Variants in E2F2 observed in about 807,000 individuals in gnomAD.
The protein encoded by E2F2 is transcription factor E2F2.
A neutral mutation model predicts 42.2 loss-of-function variants in E2F2; 22 were observed. The ratio of observed to expected loss-of-function variants is 0.52; its 90% CI spans 0.37 to 0.74. The LOEUF (loss-of-function observed/expected upper bound fraction) is 0.74, where lower values mean the gene tolerates loss of function less well. Ranked by LOEUF, E2F2 falls within the 30% of genes least tolerant of loss-of-function variation. E2F2 has a pLI of 0.00. For missense variants in E2F2, 481 were observed against 557.8 expected, an observed-to-expected ratio of 0.86 and a Z score of 1.39; for synonymous variants, 248 against 251.6, an observed-to-expected ratio of 0.99 and a Z score of 0.13.
chr1:23,517,460 T>C (rs1186343897), intron 5 of E2F2, among the ~76,000 whole-genome samples: 1 of 152,234 alleles, frequency 6.6e-6, no homozygotes, highest in Non-Finnish European at 1.5e-5. Flanking sequence ...AAAGCACATC[T>C]TCAGTCTATA....
intron 5 of E2F2, among the ~76,000 whole-genome samples, chr1:23,517,141 C>T (rs1200668254): frequency 1.3e-5 from 2 of 152,114 alleles, no homozygotes; most frequent in Non-Finnish European, 2.9e-5. Flanking sequence ...CTGAATCTCC[C>T]CCAGGACTTG....
At chr1:23,518,170 T>TA (rs1426319137) in intron 5 of E2F2, among the ~76,000 whole-genome samples, 9 of 144,608 alleles carry the variant, frequency 6.2e-5, no homozygotes, top group African/African-American at 1.6e-4. Context: ...GACGCTGTCT[T>TA]AAAAAAAATC....
chr1:23,506,338 A>G (rs1642794867), downstream of E2F2: 1 of 152,316 alleles, frequency 6.6e-6, no homozygotes, highest in South Asian at 2.1e-4. Context: ...ATGTGCCCCC[A>G]GCATTGGCCA....
At chr1:23,514,830 T>C (rs545109462) in intron 6 of E2F2, among the ~76,000 whole-genome samples, 1 of 124,484 alleles carries the variant, frequency 8.0e-6, no homozygotes, top group African/African-American at 3.5e-5. Flanking sequence ...AGCGAGACTG[T>C]CTCAAAAAAA....
Position 23,521,934 on chromosome 1 carries a change from C to T in E2F2, c.481G>A (p.Val161Met). The T allele has an allele frequency of 6.2e-7, 1 of 1,614,228 alleles. No homozygotes were observed. The highest frequency in any genetic ancestry group is 8.5e-7 in the Non-Finnish European group (1 of 1,180,038). Residue 161 changes from valine (V) to methionine (M), a missense_variant, in exon 3 of 7, where the codon GTG becomes ATG. By Grantham distance (21) the Val-to-Met change is conservative (BLOSUM62 1). Transcript: ENST00000361729. ...GVLDLNWAAE[V>M]LDVQKRRIYD... Reference sequence around the variant, plus strand: ...ATGCGCCGCTTCTGCACGTCCAGCACCTCAGCGGCCCAGTTCAGGTCCAGG... The same window carrying T: ...ATGCGCCGCTTCTGCACGTCCAGCATCTCAGCGGCCCAGTTCAGGTCCAGG...
rs1643213941 is a variant in E2F2 at position 23,524,429 on chromosome 1, G to A, written c.312C>T (p.Thr104=). The change falls in exon 2 of 7, where the codon ACC becomes ACT. Residue 104 remains threonine (T), a synonymous_variant. Coordinates refer to ENST00000361729, the MANE Select transcript of E2F2 (RefSeq NM_004091.4). ...CCACTCTGATGCACTTCCCCTTGGGGGTTGGGAACTCAGGGACGACGGGCC... is the reference window on the plus strand; with the variant it reads ...CCACTCTGATGCACTTCCCCTTGGGAGTTGGGAACTCAGGGACGACGGGCC... ...IGRPVVPEFP[T]PKGKCIRVDG... is the part of the protein sequence containing the mutation. 6.2e-7 allele frequency: 1 copy of A among 1,613,914 alleles called. No homozygotes were observed. Among genetic ancestry groups the A allele is most frequent in the African/African-American group, 1.3e-5 (1 of 75,042 alleles).
Position 23,521,838 on chromosome 1 carries a change from C to T in E2F2, c.577G>A (p.Val193Ile), listed in dbSNP as rs751340499. 1.9e-6 allele frequency: 3 copies of T among 1,613,878 alleles called. No homozygotes were observed. Among genetic ancestry groups the T allele is most frequent in the Non-Finnish European group, 2.5e-6 (3 of 1,180,016 alleles). ...RKKAKNNIQW[V>I]GRGMFEDPTR... ...ACCACTGGCCGCCCAGGCACTCACACCCACTGGATGTTGTTCTTGGCCTTC... is the reference window on the plus strand; with the variant it reads ...ACCACTGGCCGCCCAGGCACTCACATCCACTGGATGTTGTTCTTGGCCTTC... The change falls in exon 3 of 7, where the codon GTA becomes ATA. Residue 193 changes from valine (V) to isoleucine (I), a missense_variant and splice_region_variant. By Grantham distance (29) the Val-to-Ile change is conservative. Transcript: ENST00000361729.
At position 23,521,929 on chromosome 1, in the gene E2F2, C is replaced by T. The variant is rs768555416; in HGVS notation, c.486G>A (p.Leu162=). Residue 162 remains leucine, a synonymous_variant, in exon 3 of 7, where the codon CTG becomes CTA. Coordinates refer to ENST00000361729, the MANE Select transcript of E2F2 (RefSeq NM_004091.4). ...VLDLNWAAEV[L]DVQKRRIYDI... is the part of the protein sequence containing the mutation. ...CATAGATGCGCCGCTTCTGCACGTC[C>T]AGCACCTCAGCGGCCCAGTTCAGGT... 45 of 1,614,230 alleles carry T rather than the reference C, an allele frequency of 2.8e-5. No homozygotes were observed. The Middle Eastern group carries it at 1.3e-3, about 47-fold the overall frequency.
Position 23,524,436 on chromosome 1 carries a change from A to T in E2F2, c.305T>A (p.Phe102Tyr), listed in dbSNP as rs1283743593. ...EGIGRPVVPE[F>Y]PTPKGKCIRV... ...GATGCACTTCCCCTTGGGGGTTGGG[A>T]ACTCAGGGACGACGGGCCTCCCAAT... The change falls in exon 2 of 7, where the codon TTC becomes TAC. Residue 102 changes from phenylalanine (F) to tyrosine (Y), a missense_variant. Transcript: ENST00000361729. The T allele has an allele frequency of 6.2e-7, 1 of 1,609,442 alleles. No individual in the cohort carries two copies. Among genetic ancestry groups the T allele is most frequent in the Non-Finnish European group, 8.5e-7 (1 of 1,177,920 alleles).
At chr1:23,526,013 A>C in intron 1 of E2F2, among the ~76,000 whole-genome samples, 1 of 148,962 alleles carries the variant, frequency 6.7e-6, no homozygotes, top group African/African-American at 2.5e-5. Flanking sequence ...CCCTTCCCCC[A>C]CTCCTGCCCC....
At position 23,530,394 on chromosome 1, in the gene E2F2, G is replaced by C. The variant is rs1190412320; in HGVS notation, c.252+148C>G. 9.4e-7 allele frequency: 1 copy of C among 1,065,424 alleles called. No individual in the cohort carries two copies. The highest frequency in any genetic ancestry group is 1.3e-6 in the Non-Finnish European group (1 of 758,866). The allele number at this position is 1,065,424 out of a possible 1,614,324, so 66.0% of individuals were successfully genotyped here. On this transcript the variant is annotated intron_variant, in intron 1 of 6. Coordinates refer to ENST00000361729, the MANE Select transcript of E2F2 (RefSeq NM_004091.4). The surrounding 1 kb of genome is among the most constrained non-coding windows in gnomAD (Gnocchi z 4.4). ...TGAAGGGGTCTTCTACTCAGATATT[G>C]GGGGCACTGGGTCCTGGAAACTGAA...
chr1:23,521,840 C>T lies in E2F2; in HGVS notation c.575G>A (p.Trp192Ter), dbSNP rs1352769956. The T allele has an allele frequency of 1.2e-6, 2 of 1,613,800 alleles. No individual in the cohort carries two copies. Among genetic ancestry groups the T allele is most frequent in the Non-Finnish European group, 1.7e-6 (2 of 1,179,994 alleles). Residue 192 changes from tryptophan (W) to a stop codon, truncating the protein, a stop_gained, in exon 3 of 7, where the codon TGG becomes TAG. Transcript: ENST00000361729. LOFTEE classifies it high-confidence loss of function. ...IRKKAKNNIQ[W>*]VGRGMFEDPT... ...CACTGGCCGCCCAGGCACTCACACC[C>T]ACTGGATGTTGTTCTTGGCCTTCTT...
intron 2 of E2F2, 68 bp from the exon 3 acceptor site, chr1:23,522,124 A>T (rs1643163524): frequency 6.9e-7 from 1 of 1,448,224 alleles, no homozygotes; most frequent in Admixed American, 1.9e-5. Context: ...TCGTCCATTG[A>T]CCTAGGCTCA....
downstream of E2F2, among the ~76,000 whole-genome samples, chr1:23,506,053 G>A (rs993060408): frequency 1.3e-5 from 2 of 152,142 alleles, no homozygotes; most frequent in Admixed American, 6.6e-5. Context: ...CGCACCCAGC[G>A]TGAGGCATGG....
Position 23,524,446 on chromosome 1 carries a change from C to T in E2F2, c.295G>A (p.Val99Ile), listed in dbSNP as rs562882168. ...LDLEGIGRPVVPEFPTPKGKC... is the reference protein window; with the variant it reads ...LDLEGIGRPVIPEFPTPKGKC... ...CCCTTGGGGGTTGGGAACTCAGGGA[C>T]GACGGGCCTCCCAATCCCCTCCAGA... Residue 99 changes from valine to isoleucine, a missense_variant, in exon 2 of 7, where the codon GTC (valine) becomes ATC (isoleucine). Physicochemically the swap from Val to Ile is conservative, Grantham distance 29. Coordinates refer to ENST00000361729, the MANE Select transcript of E2F2 (RefSeq NM_004091.4). 1.3e-5 allele frequency: 21 copies of T among 1,613,698 alleles called. No homozygotes were observed. In the Admixed American group the frequency reaches 2.2e-4, roughly 17 times the overall value.
rs570456668 is a variant in E2F2, at chr1:23,506,768, C to T, written c.*3112G>A. The T allele has an allele frequency of 1.2e-4, 18 of 152,376 alleles. No homozygotes were observed. Among genetic ancestry groups the T allele is most frequent in the Admixed American group, 7.8e-4 (12 of 15,290 alleles). 9.4% of individuals were successfully genotyped at this position (152,376 alleles called of 1,614,324 possible). On this transcript the variant is annotated 3_prime_UTR_variant, in exon 7 of 7. Coordinates refer to ENST00000361729, the MANE Select transcript of E2F2 (RefSeq NM_004091.4). ...CCCCAGAAGGTTTTCACTTCACATG[C>T]GCTAAGCCACACAACACCTGGATGC... is the stretch of plus-strand genomic sequence containing the variant.
intron 1 of E2F2, among the ~76,000 whole-genome samples, chr1:23,527,094 A>G (rs1643264125): frequency 6.6e-6 from 1 of 152,230 alleles, no homozygotes; most frequent in South Asian, 2.1e-4. Context: ...CAGGTCTTGG[A>G]GTCAGACTGG....
rs1570447465 is a variant in E2F2 at position 23,507,075 on chromosome 1, C to T, written c.*2805G>A. On this transcript the variant is annotated 3_prime_UTR_variant, in exon 7 of 7. Transcript: ENST00000361729. ...CTCTACTGGATGATTTCCTGGAGCC[C>T]CAAGCTTTAGAAGTCCCTGGGGACA... 1 of 151,988 alleles carries T rather than the reference C, an allele frequency of 6.6e-6. No homozygotes were observed. The highest frequency in any genetic ancestry group is 2.0e-4 in the East Asian group (1 of 5,128). 9.4% of individuals were successfully genotyped at this position (151,988 alleles called of 1,614,324 possible).
intron 5 of E2F2, among the ~76,000 whole-genome samples, chr1:23,518,299 C>CT (rs1558244511): frequency 2.6e-5 from 4 of 151,918 alleles, no homozygotes; most frequent in Non-Finnish European, 5.9e-5. Flanking sequence ...AACCCCATCT[C>CT]TACTAAAAAA....
Sources: gnomAD v4.1 joint callset for allele counts (sites outside exome capture counted in the v4.1 genomes callset) on GRCh38, gnomAD v4.1.1 for gene constraint, Gnocchi (gnomAD v3.1) non-coding constraint, MANE v1.5 for transcripts, NCBI Gene and HGNC (gene_info 2026-07-23, HGNC 2026-07-21) for gene names.